The following KLHL23 variants were observed in gnomAD, a reference collection of about 807,000 sequenced individuals.
KLHL23 encodes kelch-like protein 23.
A neutral mutation model predicts 48.9 loss-of-function variants in KLHL23; 33 were observed. The observed-to-expected ratio is 0.67, with a 90% CI of 0.51 to 0.90. KLHL23 has a LOEUF of 0.90. Among genes scored for constraint, KLHL23 ranks in the 40% least tolerant of loss-of-function variants. The pLI is 0.00. For synonymous variants in KLHL23, 234 were observed against 231.6 expected, an observed-to-expected ratio of 1.01 and a Z score of -0.09; for missense variants, 608 against 669.6, an observed-to-expected ratio of 0.91 and a Z score of 1.02.
chr2:169,746,968 A>G (rs977191053), intron 3 of KLHL23, among the ~76,000 whole-genome samples: 4 of 152,220 alleles, frequency 2.6e-5, no homozygotes, highest in African/African-American at 9.6e-5. Context: ...CATATAAATA[A>G]CTGGAAAGTA....
At position 169,735,624 on chromosome 2, in the gene KLHL23, G is replaced by C. The variant is rs1688491444; in HGVS notation, c.610G>C (p.Val204Leu). 6.2e-7 allele frequency: 1 copy of C among 1,613,910 alleles called. No homozygotes were observed. The highest frequency in any genetic ancestry group is 1.1e-5 in the South Asian group (1 of 91,084). ...VWKEEAIIEP[V>L]IKWTAHDVEN... ...GAAAGAAGAAGCTATCATAGAGCCA[G>C]TTATTAAGTGGACTGCTCATGATGT... is the stretch of plus-strand genomic sequence containing the variant. Residue 204 changes from valine (V) to leucine (L), a missense_variant, in exon 2 of 4, where the codon GTT becomes CTT. Around this residue, in one of 3 missense-constraint regions of KLHL23, gnomAD observed 419 missense variants for 473.1 expected, o/e 0.89. Transcript: ENST00000392647. The surrounding 1 kb of genome is among the most constrained non-coding windows in gnomAD (Gnocchi z 4.5).
At chr2:169,737,646 ACT>A (rs1353121797) in intron 2 of KLHL23, among the ~76,000 whole-genome samples, 9 of 145,394 alleles carry the variant, frequency 6.2e-5, no homozygotes, top group African/African-American at 2.0e-4. Context: ...ATGGAGTCTC[ACT>A]CTGTCTCCCA....
At chr2:169,738,689 G>C (rs964184761) in intron 2 of KLHL23, among the ~76,000 whole-genome samples, 1 of 151,842 alleles carries the variant, frequency 6.6e-6, no homozygotes, top group Non-Finnish European at 1.5e-5. Context: ...TTTTGGAATA[G>C]AAAGGAACAA....
At chr2:169,737,917 T>C (rs958379004) in intron 2 of KLHL23, among the ~76,000 whole-genome samples, 2 of 152,166 alleles carry the variant, frequency 1.3e-5, no homozygotes, top group Non-Finnish European at 2.9e-5. Flanking sequence ...TATATTTCTT[T>C]GAGAATGAAA....
At chr2:169,740,495 C>T (rs910141535) in intron 2 of KLHL23, among the ~76,000 whole-genome samples, 25 of 149,664 alleles carry the variant, frequency 1.7e-4, no homozygotes, top group Non-Finnish European at 3.0e-4. Flanking sequence ...GTCACCCAGG[C>T]TGGAGTGCAG....
chr2:169,737,264 A>G lies in KLHL23; in HGVS notation c.1213+1037A>G, dbSNP rs115765755. Among the ~76,000 whole-genome samples, 475 of 152,358 alleles carry G rather than the reference A, an allele frequency of 3.1e-3. 2 individuals are homozygous for G. Among genetic ancestry groups the G allele is most frequent in the African/African-American group, 9.6e-3 (401 of 41,584 alleles). On this transcript the variant is annotated intron_variant, in intron 2 of 3. Coordinates refer to ENST00000392647, the MANE Select transcript of KLHL23 (RefSeq NM_144711.6). ...GTGTCTGACACAGAGTAAGCATGCT[A>G]TAAATGTTACGCATGATTGTCCTGA... is the stretch of plus-strand genomic sequence containing the variant.
chr2:169,742,508 C>A (rs533509675), intron 3 of KLHL23, among the ~76,000 whole-genome samples: 1 of 152,334 alleles, frequency 6.6e-6, no homozygotes, highest in South Asian at 2.1e-4. Flanking sequence ...GGTTCAAAAT[C>A]TGACAGTCTG....
intron 2 of KLHL23, among the ~76,000 whole-genome samples, chr2:169,738,489 A>C (rs1574521490): frequency 2.6e-5 from 4 of 152,136 alleles, no homozygotes; most frequent in Non-Finnish European, 4.4e-5. Context: ...CTTGAAGTGA[A>C]ATAGCAGCTT....
At chr2:169,741,579 G>A in intron 3 of KLHL23, 42 bp downstream of exon 3, 1 of 1,554,076 alleles carries the variant, frequency 6.4e-7, no homozygotes, top group South Asian at 1.2e-5. Flanking sequence ...TTGTGATGTA[G>A]TTTAGTAGCA....
At chr2:169,734,645 C>T (rs1274667930) in intron 1 of KLHL23, among the ~76,000 whole-genome samples, 2 of 152,204 alleles carry the variant, frequency 1.3e-5, no homozygotes, top group Non-Finnish European at 2.9e-5. Flanking sequence ...TGAATTGGGG[C>T]CGAGCCGAGA....
rs1343421921 is a variant in KLHL23, at chr2:169,734,466, G to A, written c.-3+379G>A. Among the ~76,000 whole-genome samples, 3 of 151,570 alleles carry A rather than the reference G, an allele frequency of 2.0e-5. No individual in the cohort carries two copies. The East Asian group carries it at 5.8e-4, about 29-fold the overall frequency. ...CCCTGCGGCGGGCGCGGGGGAGGGG[G>A]CGAGGGCTGCAAGGGCTGCGCCGAG... On this transcript the variant is annotated intron_variant, in intron 1 of 3. Transcript: ENST00000392647.
intron 2 of KLHL23, among the ~76,000 whole-genome samples, chr2:169,740,101 G>A (rs968531082): frequency 1.3e-4 from 20 of 152,120 alleles, no homozygotes; most frequent in African/African-American, 4.3e-4. Flanking sequence ...GGACATTACT[G>A]TACACTACTG....
intron 3 of KLHL23, 151 bp from the exon 4 acceptor site, chr2:169,749,271 C>A: frequency 1.3e-6 from 1 of 769,070 alleles, no homozygotes; most frequent in East Asian, 2.7e-5. Flanking sequence ...TCAGCCTCAG[C>A]GTTGCAGTAT....
intron 3 of KLHL23, among the ~76,000 whole-genome samples, chr2:169,745,679 C>T (rs993002981): frequency 6.6e-6 from 1 of 152,038 alleles, no homozygotes; most frequent in African/African-American, 2.4e-5. Flanking sequence ...TGAGGAATGT[C>T]ATAGATTCAA....
At chr2:169,737,775 TAGGTA>T (rs1688553717) in intron 2 of KLHL23, among the ~76,000 whole-genome samples, 1 of 151,982 alleles carries the variant, frequency 6.6e-6, no homozygotes, top group Non-Finnish European at 1.5e-5. Context: ...CCACCACACC[TAGGTA>T]ATTTTTGTAT....
chr2:169,742,782 T>G (rs1030432565), intron 3 of KLHL23, among the ~76,000 whole-genome samples: 15 of 152,146 alleles, frequency 9.9e-5, no homozygotes, highest in African/African-American at 3.6e-4. Context: ...AAATGGACCA[T>G]CCCAGACTCC....
chr2:169,734,317 C>T (rs1326114752), intron 1 of KLHL23, among the ~76,000 whole-genome samples: 5 of 147,690 alleles, frequency 3.4e-5, no homozygotes, highest in East Asian at 2.0e-4. Flanking sequence ...GGCAGAGGGA[C>T]GCGGGCACCG....
intron 3 of KLHL23, among the ~76,000 whole-genome samples, chr2:169,748,930 A>G (rs1263399511): frequency 6.6e-6 from 1 of 152,068 alleles, no homozygotes; most frequent in Non-Finnish European, 1.5e-5. Context: ...TCATAACTGG[A>G]CTGGCAGTGT....
rs1436122689 is a variant in KLHL23 at position 169,750,912 on chromosome 2, A to G, written c.*1180A>G. On this transcript the variant is annotated 3_prime_UTR_variant, in exon 4 of 4. Transcript: ENST00000392647. ...TGATTGAATTTTAGAGCCAGAAAGC[A>G]TGTAGAGCAGTTGTGATTAGTAGAA... 1.3e-5 allele frequency: 2 copies of G among 152,258 alleles called. No individual in the cohort carries two copies. The highest frequency in any genetic ancestry group is 2.9e-5 in the Non-Finnish European group (2 of 68,044). 9.4% of individuals were successfully genotyped at this position (152,258 alleles called of 1,614,324 possible).
Sources: allele counts gnomAD v4.1 joint callset (sites outside exome capture counted in the v4.1 genomes callset), GRCh38; gene constraint gnomAD v4.1.1; regional missense constraint gnomAD v4.1.1; non-coding constraint Gnocchi (gnomAD v3.1); transcripts MANE v1.5; gene names NCBI Gene and HGNC (gene_info 2026-07-23, HGNC 2026-07-21).